Variants in UBE2D2 observed in about 807,000 individuals in gnomAD.
UBE2D2 encodes the protein ubiquitin conjugating enzyme E2 D2, also known as ubiquitin-conjugating enzyme E2 D2.
Under a neutral mutation model 24.2 loss-of-function variants are expected in UBE2D2, and 2 were observed. The observed-to-expected ratio is 0.08, with a 90% CI of 0.03 to 0.26. The LOEUF (loss-of-function observed/expected upper bound fraction) is 0.26. Ranked by LOEUF, UBE2D2 falls within the 10% of genes least tolerant of loss-of-function variation. The pLI, the probability that UBE2D2 is intolerant of heterozygous loss-of-function variation, is 1.00. For missense variants in UBE2D2, 44 were observed against 177.6 expected, an observed-to-expected ratio of 0.25 and a Z score of 4.28; for synonymous variants, 58 against 56.5, an observed-to-expected ratio of 1.03 and a Z score of -0.12.
rs1322240325 is a variant in UBE2D2 at position 139,548,180 on chromosome 5, A to T, written c.-64+21568A>T. 7.2e-4 allele frequency among the ~76,000 whole-genome samples: 28 copies of T among 39,004 alleles called. No homozygotes were observed. In the East Asian group the frequency reaches 8.2e-3, roughly 11 times the overall value. The allele number at this position is 39,004 out of a possible 152,430, so 25.6% of individuals were successfully genotyped here. A position where few individuals can be genotyped will look rare whatever the true frequency, so the allele number is the denominator to read the frequency against. On this transcript the variant is annotated intron_variant, in intron 1 of 6. Transcript: ENST00000511725. Reference sequence around the variant, plus strand: ...CTCCGTCTCAAAAAAAAAAAAAAAAAAAATAAAAAAAAAAAATAAATAAAT... The same window carrying T: ...CTCCGTCTCAAAAAAAAAAAAAAAATAAATAAAAAAAAAAAATAAATAAAT...
chr5:139,582,434 C>G (rs2126666730), intron 1 of UBE2D2, among the ~76,000 whole-genome samples: 2 of 151,980 alleles, frequency 1.3e-5, no homozygotes, highest in Middle Eastern at 6.8e-3. Context: ...TGGTCTTGGA[C>G]TCCTGACCTC....
Position 139,561,519 on chromosome 5 carries a change from G to A in UBE2D2, c.-273G>A, listed in dbSNP as rs1753090308. On this transcript the variant is annotated 5_prime_UTR_variant, in exon 1 of 7. Coordinates refer to ENST00000398733, the MANE Select transcript of UBE2D2 (RefSeq NM_003339.3). ...GTTTAGGAGGCGGCGCTGATCCTGG[G>A]AGGAAGAGGCAGCTACGGCGGCGGC... The A allele has an allele frequency of 2.4e-6, 1 of 412,480 alleles. No individual in the cohort carries two copies. The highest frequency in any genetic ancestry group is 4.3e-6 in the Non-Finnish European group (1 of 233,366). The allele number at this position is 412,480 out of a possible 1,614,324, so 25.6% of individuals were successfully genotyped here. A position where few individuals can be genotyped will look rare whatever the true frequency, so the allele number is the denominator to read the frequency against.
chr5:139,590,782 C>CTTCTTTTTT (rs1753829735), intron 1 of UBE2D2, among the ~76,000 whole-genome samples: 1 of 38,404 alleles, frequency 2.6e-5, no homozygotes, highest in African/African-American at 9.8e-5. Flanking sequence ...TTCTCTTCTT[C>CTTCTTTTTT]TTTTTTTTTT....
intron 5 of UBE2D2, among the ~76,000 whole-genome samples, chr5:139,622,779 A>G (rs1754537948): frequency 6.6e-6 from 1 of 151,574 alleles, no homozygotes; most frequent in Admixed American, 6.6e-5. Context: ...AGTCCCAGCT[A>G]CTCAGGAGGC....
chr5:139,554,272 G>C (rs773845267), intron 1 of UBE2D2, among the ~76,000 whole-genome samples: 6 of 152,038 alleles, frequency 3.9e-5, no homozygotes, highest in Non-Finnish European at 5.9e-5. Context: ...GGGCTCAGGT[G>C]ATCCTCCCAC....
chr5:139,530,131 A>C (rs1449439235), intron 1 of UBE2D2, among the ~76,000 whole-genome samples: 1 of 152,242 alleles, frequency 6.6e-6, no homozygotes, highest in African/African-American at 2.4e-5. Flanking sequence ...CCACAAAAAC[A>C]GTTACATGGT....
chr5:139,589,346 G>A (rs144130822), intron 1 of UBE2D2, among the ~76,000 whole-genome samples: 6 of 152,262 alleles, frequency 3.9e-5, no homozygotes, highest in African/African-American at 1.2e-4. Context: ...ATCACTTGAA[G>A]TCAGGAGTTC....
chr5:139,619,478 G>A (rs576862219), intron 5 of UBE2D2, among the ~76,000 whole-genome samples: 49 of 152,028 alleles, frequency 3.2e-4, no homozygotes, highest in Admixed American at 2.0e-3. Context: ...ATAGAAATAA[G>A]AGTTACTATC....
In UBE2D2 at chr5:139,609,031, G is replaced by A. The variant is rs146834275; in HGVS notation, c.89-5555G>A. 5.8e-3 allele frequency among the ~76,000 whole-genome samples: 881 copies of A among 151,728 alleles called. 13 individuals carry two copies. Among genetic ancestry groups the A allele is most frequent in the African/African-American group, 0.018 (750 of 41,390 alleles). On this transcript the variant is annotated intron_variant, in intron 2 of 6. Coordinates refer to ENST00000398733, the MANE Select transcript of UBE2D2 (RefSeq NM_003339.3). The stretch of plus-strand genomic sequence containing the variant: ...GAACCTGGGAGGCGGAGGTTGCAGT[G>A]AGCAAAGATCGCACCACTGCACTCC...
At chr5:139,572,157 A>G (rs1303104935) in intron 1 of UBE2D2, among the ~76,000 whole-genome samples, 2 of 152,170 alleles carry the variant, frequency 1.3e-5, no homozygotes, top group Non-Finnish European at 2.9e-5. Context: ...AGTTGACATG[A>G]TTTTCATTCA....
chr5:139,562,253 C>G, intron 1 of UBE2D2: 1 of 1,363,664 alleles, frequency 7.3e-7, no homozygotes, highest in South Asian at 1.1e-5. Context: ...GCTCCCTCCA[C>G]AAAACCGCCT....
intron 1 of UBE2D2, among the ~76,000 whole-genome samples, chr5:139,541,323 C>A (rs1369031205): frequency 6.8e-6 from 1 of 147,158 alleles, no homozygotes; most frequent in Non-Finnish European, 1.5e-5. Context: ...GCGGGGGGAC[C>A]GGGCATGGTG....
intron 1 of UBE2D2, among the ~76,000 whole-genome samples, chr5:139,541,620 A>G (rs1752763221): frequency 6.6e-6 from 1 of 151,164 alleles, no homozygotes; most frequent in Non-Finnish European, 1.5e-5. Context: ...AAAAAAAAAA[A>G]AGGTACACAT....
intron 1 of UBE2D2, chr5:139,600,106 A>G (rs1754041588): frequency 4.2e-6 from 2 of 480,712 alleles, no homozygotes; most frequent in Non-Finnish European, 7.8e-6. Context: ...CCCATAATAC[A>G]TGACACATGT....
intron 1 of UBE2D2, among the ~76,000 whole-genome samples, chr5:139,577,763 T>C (rs1371960171): frequency 6.6e-6 from 1 of 152,090 alleles, no homozygotes; most frequent in Admixed American, 6.6e-5. Flanking sequence ...CCACCTATAT[T>C]AAGTAGCACA....
chr5:139,625,706 G>A (rs895397937), intron 6 of UBE2D2, among the ~76,000 whole-genome samples: 6 of 151,796 alleles, frequency 4.0e-5, no homozygotes, highest in Non-Finnish European at 5.9e-5. Context: ...CCAGGCTCAA[G>A]TGATTCCTGT....
chr5:139,533,616 A>C (rs1752625943), intron 1 of UBE2D2, among the ~76,000 whole-genome samples: 1 of 151,376 alleles, frequency 6.6e-6, no homozygotes. Flanking sequence ...GCGCCATTGC[A>C]CTCTAGCCTG....
At chr5:139,615,042 A>T in intron 5 of UBE2D2, 76 bp downstream of exon 5, 3 of 1,345,246 alleles carry the variant, frequency 2.2e-6, no homozygotes, top group Non-Finnish European at 1.0e-6. Flanking sequence ...TTTTGAAAAG[A>T]TTACTTATGT....
At chr5:139,565,716 T>G (rs1221156482) in intron 1 of UBE2D2, among the ~76,000 whole-genome samples, 6 of 152,216 alleles carry the variant, frequency 3.9e-5, no homozygotes, top group Non-Finnish European at 7.3e-5. Flanking sequence ...ACTTGCTTCC[T>G]GTTTTTCTTC....
Sources: gnomAD v4.1 joint callset for allele counts (sites outside exome capture counted in the v4.1 genomes callset) on GRCh38, gnomAD v4.1.1 for gene constraint, MANE v1.5 for transcripts, NCBI Gene and HGNC (gene_info 2026-07-23, HGNC 2026-07-21) for gene names.